The following SIGLEC1 variants were observed in gnomAD, a reference collection of about 807,000 sequenced individuals.
The protein encoded by SIGLEC1 is sialoadhesin.
Under a neutral mutation model 148.0 loss-of-function variants are expected in SIGLEC1, and 132 were observed. The observed-to-expected ratio is 0.89, with a 90% CI of 0.77 to 1.03. SIGLEC1 has a LOEUF of 1.03. SIGLEC1 is among the 50% of genes least tolerant of loss of function. The probability of loss-of-function intolerance (pLI) is 0.00; values close to 1 mark genes in which losing one functional copy is unlikely to be tolerated. For synonymous variants in SIGLEC1, 945 were observed against 969.0 expected, an observed-to-expected ratio of 0.98 and a Z score of 0.46; for missense variants, 2,253 against 2,271.4, an observed-to-expected ratio of 0.99 and a Z score of 0.16.
intron 18 of SIGLEC1, among the ~76,000 whole-genome samples, chr20:3,691,080 C>A (rs985400208): frequency 6.6e-6 from 1 of 152,194 alleles, no homozygotes; most frequent in Non-Finnish European, 1.5e-5. Flanking sequence ...ATCCGCCCAC[C>A]TCAGCCTCTC....
In SIGLEC1 at chr20:3,704,111, G is replaced by T. The variant is rs752637044; in HGVS notation, c.707-20C>A. On this transcript the variant is annotated intron_variant, in intron 4 of 21. Transcript: ENST00000344754. The stretch of plus-strand genomic sequence containing the variant: ...GGGCATCTGCAAGTCACAGTAGGGG[G>T]TATTGGGTAAGGTGCTTGGGGAGGG... 13 of 1,604,622 alleles carry T rather than the reference G, an allele frequency of 8.1e-6. No homozygotes were observed. Among genetic ancestry groups the T allele is most frequent in the African/African-American group, 1.3e-5 (1 of 74,748 alleles).
chr20:3,707,064 G>A lies in SIGLEC1; in HGVS notation c.49+16C>T, dbSNP rs770480855. ...GCTGGACCCTGGAAGACAGGCACTA[G>A]GCCCGCAAAGCTTACCTGCTGGGAA... On this transcript the variant is annotated intron_variant, in intron 2 of 21. Transcript: ENST00000344754. The A allele has an allele frequency of 1.2e-6, 2 of 1,613,034 alleles. No homozygotes were observed. The highest frequency in any genetic ancestry group is 1.7e-6 in the Non-Finnish European group (2 of 1,179,030).
At chr20:3,704,731 C>T (rs1568846545) in intron 4 of SIGLEC1, among the ~76,000 whole-genome samples, 1 of 152,176 alleles carries the variant, frequency 6.6e-6, no homozygotes, top group Non-Finnish European at 1.5e-5. Flanking sequence ...ATCCTCCTGC[C>T]TCAGCCTCCC....
intron 18 of SIGLEC1, 72 bp from the exon 19 acceptor site, chr20:3,690,336 A>G (rs2088746317): frequency 2.3e-6 from 3 of 1,290,902 alleles, no homozygotes; most frequent in South Asian, 3.0e-5. Flanking sequence ...ACCCATGCAC[A>G]GTGACTTTGC....
chr20:3,700,815 C>T (rs2087845418), intron 7 of SIGLEC1, among the ~76,000 whole-genome samples: 1 of 151,610 alleles, frequency 6.6e-6, no homozygotes, highest in Non-Finnish European at 1.5e-5. Context: ...ATTCTCCTGC[C>T]TTAGCCTCCC....
rs758947537 is a variant in SIGLEC1, at chr20:3,691,915, A to G, written c.4318T>C (p.Leu1440=). 2.5e-5 allele frequency: 39 copies of G among 1,576,146 alleles called. No individual in the cohort carries two copies. The highest frequency in any genetic ancestry group is 3.2e-5 in the Non-Finnish European group (37 of 1,154,636). The part of the protein sequence containing the change: ...LLGSISTIGR[L]QVEGARVVAE... Reference sequence around the variant, plus strand: ...CTCTTCCACTCACCTTCTACCTGCAACCGCCCGATGGTGCTGATTGAGCCC... The same window carrying G: ...CTCTTCCACTCACCTTCTACCTGCAGCCGCCCGATGGTGCTGATTGAGCCC... Residue 1440 remains leucine, a synonymous_variant, in exon 17 of 22, where the codon TTG becomes CTG. Coordinates refer to ENST00000344754, the MANE Select transcript of SIGLEC1 (RefSeq NM_023068.4).
At position 3,706,750 on chromosome 20, in the gene SIGLEC1, G is replaced by A. The variant is rs769202121; in HGVS notation, c.50-44C>T. The A allele has an allele frequency of 3.3e-6, 5 of 1,494,584 alleles. No homozygotes were observed. The South Asian group carries it at 6.5e-5, about 20-fold the overall frequency. 92.6% of individuals were successfully genotyped at this position (1,494,584 alleles called of 1,614,324 possible). ...GGGGACAGAGGGGAGGGTGATACAGGCCTCAGGGTGCCACAGAGCCCTGCG... is the reference window on the plus strand; with the variant it reads ...GGGGACAGAGGGGAGGGTGATACAGACCTCAGGGTGCCACAGAGCCCTGCG... On this transcript the variant is annotated intron_variant, in intron 2 of 21. Transcript: ENST00000344754.
chr20:3,701,545 G>A lies in SIGLEC1; in HGVS notation c.1325C>T (p.Thr442Ile). Residue 442 changes from threonine (T) to isoleucine (I), a missense_variant, in exon 7 of 22, where the codon ACA (threonine) becomes ATA (isoleucine). By Grantham distance (89) the Thr-to-Ile change is moderately conservative (BLOSUM62 -1). Transcript: ENST00000344754. ...HCSVVSEPLA[T>I]LVLSHGGHIL... ...ATGACCCCCATGTGACAGCACCAGTGTGGCCAGGGGCTCACTGACCACAGA... is the reference window on the plus strand; with the variant it reads ...ATGACCCCCATGTGACAGCACCAGTATGGCCAGGGGCTCACTGACCACAGA... 1 of 1,613,658 alleles carries A rather than the reference G, an allele frequency of 6.2e-7. No individual in the cohort carries two copies. Among genetic ancestry groups the A allele is most frequent in the Non-Finnish European group, 8.5e-7 (1 of 1,179,788 alleles).
Position 3,689,624 on chromosome 20 carries a change from C to T in SIGLEC1, c.4973G>A (p.Gly1658Asp). 1.9e-6 allele frequency: 3 copies of T among 1,586,186 alleles called. No individual in the cohort carries two copies. Among genetic ancestry groups the T allele is most frequent in the Non-Finnish European group, 2.6e-6 (3 of 1,166,402 alleles). The change falls in exon 20 of 22, where the codon GGC (glycine) becomes GAC (aspartate). Residue 1658 changes from glycine (G) to aspartate (D), a missense_variant. Coordinates refer to ENST00000344754, the MANE Select transcript of SIGLEC1 (RefSeq NM_023068.4). ...CCTCCAGGTGTAGCAGGCCCCCAGG[C>T]CCAACAGCAGGAGCAGGAGGCCCAC... ...LLVGLLLLLL[G>D]LGACYTWRRR...
At position 3,704,277 on chromosome 20, in the gene SIGLEC1, G is replaced by A. The variant is rs145858496; in HGVS notation, c.707-186C>T. Among the ~76,000 whole-genome samples, 141 of 152,256 alleles carry A rather than the reference G, an allele frequency of 9.3e-4. 1 individual carries two copies. The highest frequency in any genetic ancestry group is 1.7e-3 in the Non-Finnish European group (115 of 68,028). Reference sequence around the variant, plus strand: ...TGTCCGTCCCTTTCCCGCCCCCTGCGCCTGATGCATTCCTATGCCCATTGA... The same window carrying A: ...TGTCCGTCCCTTTCCCGCCCCCTGCACCTGATGCATTCCTATGCCCATTGA... On this transcript the variant is annotated intron_variant, in intron 4 of 21. Coordinates refer to ENST00000344754, the MANE Select transcript of SIGLEC1 (RefSeq NM_023068.4).
Position 3,706,029 on chromosome 20 carries a change from C to G in SIGLEC1, c.421G>C (p.Val141Leu), listed in dbSNP as rs35953127. ...TLVTVTEEPR[V>L]PTIASPVELL... ...TCCACCGGGGAGGCAATGGTGGGCA[C>G]CCTGGGCTCCTCTGAGGACAGAGAC... The change falls in exon 4 of 22, where the codon GTG (valine) becomes CTG (leucine). Residue 141 changes from valine to leucine, a missense_variant. Transcript: ENST00000344754. The G allele has an allele frequency of 6.7e-3, 10,735 of 1,612,774 alleles. 623 individuals carry two copies. In the African/African-American group the frequency reaches 0.13, roughly 19 times the overall value.
rs1046144148 is a variant in SIGLEC1 at position 3,691,361 on chromosome 20, G to A, written c.4570C>T (p.Pro1524Ser). The A allele has an allele frequency of 6.2e-7, 1 of 1,613,544 alleles. No homozygotes were observed. Among genetic ancestry groups the A allele is most frequent in the Non-Finnish European group, 8.5e-7 (1 of 1,180,036 alleles). The change falls in exon 18 of 22, where the codon CCA becomes TCA. Residue 1524 changes from proline to serine, a missense_variant. Transcript: ENST00000344754. Reference sequence around the variant, plus strand: ...TCACAGAGCACACGGAGCATGACTGGAGCAGAGGCAGCAGCCCCAGTGGGG... The same window carrying A: ...TCACAGAGCACACGGAGCATGACTGAAGCAGAGGCAGCAGCCCCAGTGGGG... ...ELPTGAAASA[P>S]VMLRVLYPPK...
chr20:3,703,040 C>A, intron 6 of SIGLEC1, 157 bp downstream of exon 6: 2 of 754,492 alleles, frequency 2.7e-6, no homozygotes, highest in South Asian at 1.7e-5. Flanking sequence ...GAGGTCAAAG[C>A]ATTGCCCAGG....
chr20:3,703,989 G>A lies in SIGLEC1; in HGVS notation c.809C>T (p.Ala270Val). ...LTCQVNSSYP[A>V]VSSIKWLKDG... is the part of the protein sequence containing the mutation. ...CTTGAGCCACTTAATGGAACTGACTGCAGGGTAGCTGCTGTTCACCTGGCA... is the reference window on the plus strand; with the variant it reads ...CTTGAGCCACTTAATGGAACTGACTACAGGGTAGCTGCTGTTCACCTGGCA... The change falls in exon 5 of 22, where the codon GCA (alanine) becomes GTA (valine). Residue 270 changes from alanine (A) to valine (V), a missense_variant. Physicochemically the swap from Ala to Val is moderately conservative, Grantham distance 64 (BLOSUM62 0). Coordinates refer to ENST00000344754, the MANE Select transcript of SIGLEC1 (RefSeq NM_023068.4). 2 of 1,612,902 alleles carry A rather than the reference G, an allele frequency of 1.2e-6. No homozygotes were observed. Among genetic ancestry groups the A allele is most frequent in the South Asian group, 1.1e-5 (1 of 90,962 alleles).
chr20:3,690,626 G>A (rs754559381), intron 18 of SIGLEC1, among the ~76,000 whole-genome samples: 15 of 152,230 alleles, frequency 9.9e-5, no homozygotes, highest in Non-Finnish European at 1.8e-4. Flanking sequence ...CTCCCCAGCT[G>A]AGCCCAGCCC....
chr20:3,699,494 C>T (rs1484695853), intron 7 of SIGLEC1, 35 bp from the exon 8 acceptor site: 2 of 1,580,390 alleles, frequency 1.3e-6, no homozygotes, highest in Non-Finnish European at 1.7e-6. Context: ...AAGGGTCCCT[C>T]CTCTCAACCC....
intron 3 of SIGLEC1, 63 bp downstream of exon 3, chr20:3,706,283 CA>C: frequency 6.5e-7 from 1 of 1,550,016 alleles, no homozygotes; most frequent in Non-Finnish European, 8.7e-7. Context: ...GGCTGAGAGC[CA>C]AGGGGTCCAG....
Position 3,698,977 on chromosome 20 carries a change from C to T in SIGLEC1, c.1786+225G>A, listed in dbSNP as rs77311971. 0.054 allele frequency among the ~76,000 whole-genome samples: 8,183 copies of T among 152,286 alleles called. 312 individuals are homozygous for T. The highest frequency in any genetic ancestry group is 0.11 in the East Asian group (585 of 5,180). Reference sequence around the variant, plus strand: ...GAGCTTGAGGCTGGGACAGAGGAGCCCACAGGGCTGGCATTGGAGGGTAAA... The same window carrying T: ...GAGCTTGAGGCTGGGACAGAGGAGCTCACAGGGCTGGCATTGGAGGGTAAA... On this transcript the variant is annotated intron_variant, in intron 8 of 21. Transcript: ENST00000344754.
Position 3,697,250 on chromosome 20 carries a change from G to A in SIGLEC1, c.2215C>T (p.Pro739Ser). Reference protein sequence around the residue: ...CNVSREAAGSPANFSWFRNGV... With the variant: ...CNVSREAAGSSANFSWFRNGV... ...TTTCGGAACCAGGAGAAGTTAGCAG[G>A]GCTGCCAGCAGCTTCCCGGCTCACG... Residue 739 changes from proline to serine, a missense_variant, in exon 10 of 22, where the codon CCT becomes TCT. By Grantham distance (74) the Pro-to-Ser change is moderately conservative (BLOSUM62 -1). Transcript: ENST00000344754. The A allele has an allele frequency of 1.2e-5, 20 of 1,614,006 alleles. No individual in the cohort carries two copies. Among genetic ancestry groups the A allele is most frequent in the Non-Finnish European group, 1.6e-5 (19 of 1,180,046 alleles).
Sources: gnomAD v4.1 joint callset for allele counts (sites outside exome capture counted in the v4.1 genomes callset) on GRCh38, gnomAD v4.1.1 for gene constraint, MANE v1.5 for transcripts, NCBI Gene and HGNC (gene_info 2026-07-23, HGNC 2026-07-21) for gene names.